MGLL: variants seen among roughly 807,000 people sequenced by gnomAD.
MGLL encodes the protein lysophospholipase homolog.
Under a neutral mutation model 29.1 loss-of-function variants are expected in MGLL, and 7 were observed. That is an observed-to-expected ratio of 0.24 (90% CI 0.14 to 0.45). The LOEUF (loss-of-function observed/expected upper bound fraction) is 0.45. Ranked by LOEUF, MGLL falls within the 20% of genes least tolerant of loss-of-function variation. MGLL has a pLI of 0.99. For synonymous variants in MGLL, 148 were observed against 168.3 expected (o/e 0.88, Z 0.93); for missense variants, 356 against 413.6 (o/e 0.86, Z 1.21).
intron 3 of MGLL, among the ~76,000 whole-genome samples, chr3:127,756,971 G>C (rs1254264686): frequency 6.6e-6 from 1 of 152,144 alleles, no homozygotes; most frequent in African/African-American, 2.4e-5. Context: ...CTCCCACCAG[G>C]TGAAGAATAT....
chr3:127,744,256 C>T (rs1258071553), intron 3 of MGLL, among the ~76,000 whole-genome samples: 1 of 152,172 alleles, frequency 6.6e-6, no homozygotes, highest in African/African-American at 2.4e-5. Context: ...TCCTACTCTC[C>T]ACTGTATAAA....
In MGLL at chr3:127,710,603, G is replaced by A; in HGVS notation, c.573C>T (p.Ser191=). The A allele has an allele frequency of 6.4e-7, 1 of 1,569,814 alleles. No individual in the cohort carries two copies. The highest frequency in any genetic ancestry group is 8.6e-7 in the Non-Finnish European group (1 of 1,156,334). ...LPNLSLGPID[S]SVLSRNKTEV... is the part of the protein sequence containing the mutation. ...CTGTCTTATTCCGAGAGAGCACGCT[G>A]GAGTCGATGGGCCCGAGGGACAAGT... Residue 191 remains serine, a synonymous_variant, in exon 6 of 8, where the codon TCC becomes TCT. Transcript: ENST00000265052.
chr3:127,731,587 C>T (rs999793237), intron 3 of MGLL, among the ~76,000 whole-genome samples: 10 of 152,162 alleles, frequency 6.6e-5, no homozygotes, highest in South Asian at 6.2e-4. Flanking sequence ...CTGATCACCT[C>T]AGGGCCAGGC....
chr3:127,746,624 C>A (rs368541550), intron 3 of MGLL, among the ~76,000 whole-genome samples: 32 of 152,302 alleles, frequency 2.1e-4, no homozygotes, highest in African/African-American at 7.2e-4. Context: ...TCTAGCTGCA[C>A]CCCCTGTCTT....
chr3:127,708,216 C>G (rs991186537), intron 6 of MGLL, among the ~76,000 whole-genome samples: 2 of 152,262 alleles, frequency 1.3e-5, no homozygotes, highest in Non-Finnish European at 2.9e-5. Context: ...TAAAGCTCAG[C>G]AGAACGTTCA....
At chr3:127,764,221 G>C (rs761271697) in intron 3 of MGLL, among the ~76,000 whole-genome samples, 17 of 152,188 alleles carry the variant, frequency 1.1e-4, no homozygotes, top group South Asian at 4.1e-4. Context: ...GTGAGCATCT[G>C]CTCCCACCAC....
At chr3:127,773,513 A>G (rs149785470) in intron 3 of MGLL, among the ~76,000 whole-genome samples, 4 of 152,370 alleles carry the variant, frequency 2.6e-5, no homozygotes, top group Non-Finnish European at 5.9e-5. Flanking sequence ...GGTCACCACA[A>G]GACAGGAGAG....
At position 127,692,219 on chromosome 3, in the gene MGLL, T is replaced by G; in HGVS notation, c.921A>C (p.Ala307=). 1.2e-6 allele frequency: 2 copies of G among 1,612,208 alleles called. No homozygotes were observed. The highest frequency in any genetic ancestry group is 1.7e-6 in the Non-Finnish European group (2 of 1,179,478). The change falls in exon 8 of 8, where the codon GCA becomes GCC. Residue 307 remains alanine, a synonymous_variant. Transcript: ENST00000265052. ...NMWVSQRTAT[A]GTASPP is the part of the protein sequence containing the mutation. ...GCATTCAGGGTGGGGACGCAGTTCC[T>G]GCCGTGGCTGTCCTTTGAGAGACCC...
chr3:127,802,769 G>A (rs2077499186), intron 2 of MGLL, among the ~76,000 whole-genome samples: 1 of 152,194 alleles, frequency 6.6e-6, no homozygotes, highest in Admixed American at 6.5e-5. Context: ...GCTCCTCTGA[G>A]GCGACATTTA....
chr3:127,729,036 T>C (rs2076097376), intron 3 of MGLL, among the ~76,000 whole-genome samples: 1 of 152,200 alleles, frequency 6.6e-6, no homozygotes, highest in South Asian at 2.1e-4. Context: ...GCATCTCTTC[T>C]TAACATTTAG....
At chr3:127,720,364 G>A (rs1016843536) in intron 5 of MGLL, among the ~76,000 whole-genome samples, 1 of 152,142 alleles carries the variant, frequency 6.6e-6, no homozygotes, top group Non-Finnish European at 1.5e-5. Flanking sequence ...CCCCAAGGCC[G>A]GGTCTAAACT....
At chr3:127,802,437 C>T (rs2077494550) in intron 2 of MGLL, among the ~76,000 whole-genome samples, 1 of 152,164 alleles carries the variant, frequency 6.6e-6, no homozygotes, top group South Asian at 2.1e-4. Flanking sequence ...CACACTTTCC[C>T]ATCCTCCTGT....
At chr3:127,715,803 C>G (rs895293789) in intron 5 of MGLL, 5 of 456,652 alleles carry the variant, frequency 1.1e-5, no homozygotes, top group African/African-American at 6.0e-5. Context: ...CCACAACCTC[C>G]ATCCTGAGCT....
intron 3 of MGLL, among the ~76,000 whole-genome samples, chr3:127,767,145 C>T (rs1257754679): frequency 9.7e-6 from 1 of 103,430 alleles, no homozygotes; most frequent in Non-Finnish European, 2.0e-5. Context: ...TTACCTTCCT[C>T]ATATTCTCCA....
intron 2 of MGLL, among the ~76,000 whole-genome samples, chr3:127,785,111 G>A (rs959909618): frequency 6.6e-6 from 1 of 152,124 alleles, no homozygotes; most frequent in Admixed American, 6.5e-5. Context: ...GCCCGCCTGT[G>A]CTGTGCTTAC....
At chr3:127,815,820 A>T (rs2077744784) in intron 2 of MGLL, among the ~76,000 whole-genome samples, 1 of 152,258 alleles carries the variant, frequency 6.6e-6, no homozygotes, top group East Asian at 1.9e-4. Context: ...TCCTGGCTGC[A>T]TCATATTATA....
chr3:127,691,888 G>GGAGC lies in MGLL; in HGVS notation c.*306_*309dup. 1 of 369,194 alleles carries GGAGC rather than the reference G, an allele frequency of 2.7e-6. No homozygotes were observed. Among genetic ancestry groups the GGAGC allele is most frequent in the Non-Finnish European group, 5.0e-6 (1 of 198,348 alleles). The allele number at this position is 369,194 out of a possible 1,614,324, so 22.9% of individuals were successfully genotyped here. A position where few individuals can be genotyped will look rare whatever the true frequency, so the allele number is the denominator to read the frequency against. On this transcript the variant is annotated 3_prime_UTR_variant, in exon 8 of 8. Transcript: ENST00000265052. ...ACCAGGAATTCCTGGAACCCTTGTG[G>GGAGC]GAGCTGGGAGAGGCAGGGCAGAGGC...
chr3:127,814,273 C>T (rs1576322374), intron 2 of MGLL, among the ~76,000 whole-genome samples: 1 of 152,296 alleles, frequency 6.6e-6, no homozygotes, highest in East Asian at 1.9e-4. Flanking sequence ...CTTCTTATAG[C>T]CCTCAAACAC....
intron 3 of MGLL, among the ~76,000 whole-genome samples, chr3:127,746,245 C>T (rs2076440070): frequency 6.6e-6 from 1 of 152,142 alleles, no homozygotes; most frequent in Non-Finnish European, 1.5e-5. Context: ...GCGGCCATGG[C>T]TCCTGAGTTT....
Sources: gnomAD v4.1 joint callset for allele counts (sites outside exome capture counted in the v4.1 genomes callset) on GRCh38, gnomAD v4.1.1 for gene constraint, MANE v1.5 for transcripts, NCBI Gene and HGNC (gene_info 2026-07-23, HGNC 2026-07-21) for gene names.